The following KIF1B variants were observed in gnomAD, a reference collection of about 807,000 sequenced individuals.
The protein encoded by KIF1B is kinesin-like protein KIF1B.
A neutral mutation model predicts 241.9 loss-of-function variants in KIF1B; 76 were observed. That is an observed-to-expected ratio of 0.31 (90% CI 0.26 to 0.38). The LOEUF is 0.38. KIF1B is among the 10% of genes least tolerant of loss of function. KIF1B has a pLI of 1.00. For missense variants in KIF1B, 1,622 were observed against 2,271.4 expected (o/e 0.71, Z 5.81); for synonymous variants, 750 against 796.7 (o/e 0.94, Z 0.99).
At chr1:10,236,976 C>A (rs1476389384) in intron 2 of KIF1B, among the ~76,000 whole-genome samples, 1 of 152,084 alleles carries the variant, frequency 6.6e-6, no homozygotes, top group Non-Finnish European at 1.5e-5. Flanking sequence ...TGGACTGTTG[C>A]TCACAAGGAT....
At chr1:10,212,594 A>C (rs1022211488) in intron 1 of KIF1B, among the ~76,000 whole-genome samples, 6 of 152,086 alleles carry the variant, frequency 3.9e-5, no homozygotes, top group Non-Finnish European at 7.4e-5. Flanking sequence ...CTATGTAAAA[A>C]ATTTTGGGAT....
At chr1:10,334,686 G>C in intron 28 of KIF1B, 48 bp downstream of exon 28, 1 of 1,443,202 alleles carries the variant, frequency 6.9e-7, no homozygotes, top group African/African-American at 1.4e-5. Context: ...TTTGTCTAGA[G>C]ACAAAGCAGG....
intron 2 of KIF1B, among the ~76,000 whole-genome samples, chr1:10,242,564 T>G (rs1388133834): frequency 1.3e-5 from 2 of 152,198 alleles, no homozygotes; most frequent in African/African-American, 4.8e-5. Flanking sequence ...TCACCCAGGC[T>G]GGAGTGCAAT....
chr1:10,274,524 G>A (rs2102219031), intron 10 of KIF1B, among the ~76,000 whole-genome samples: 1 of 151,960 alleles, frequency 6.6e-6, no homozygotes, highest in South Asian at 2.1e-4. Flanking sequence ...TTTAATAATT[G>A]GATTATTTTT....
At chr1:10,304,211 G>T in intron 22 of KIF1B, 3 of 1,614,144 alleles carry the variant, frequency 1.9e-6, no homozygotes, top group Non-Finnish European at 2.5e-6. Context: ...GAAAAAGGGG[G>T]TAAAGGAGCT....
intron 22 of KIF1B, among the ~76,000 whole-genome samples, chr1:10,299,757 G>T (rs1014725727): frequency 6.6e-6 from 1 of 152,082 alleles, no homozygotes; most frequent in African/African-American, 2.4e-5. Context: ...GGTCCTTTCT[G>T]TGCTTGCTTT....
intron 4 of KIF1B, 45 bp from the exon 5 acceptor site, chr1:10,261,860 C>A: frequency 1.6e-6 from 2 of 1,245,884 alleles, no homozygotes; most frequent in South Asian, 1.2e-5. Flanking sequence ...ACTTAGTACT[C>A]CTCTCATTTG....
rs113196941 is a variant in KIF1B at position 10,302,602 on chromosome 1, C to T, written c.2115+5356C>T. Among the ~76,000 whole-genome samples, 744 of 152,290 alleles carry T rather than the reference C, an allele frequency of 4.9e-3. 7 individuals are homozygous for T. Among genetic ancestry groups the T allele is most frequent in the African/African-American group, 0.017 (699 of 41,558 alleles). ...AGTAAAGCTAAACAAAACCTGGCGT[C>T]CTACAGCCTTACTAACCTTTGTTAA... On this transcript the variant is annotated intron_variant, in intron 22 of 48. Transcript: ENST00000676179.
Position 10,337,674 on chromosome 1 carries a change from A to G in KIF1B, c.3422+141A>G. On this transcript the variant is annotated intron_variant, in intron 31 of 48. Coordinates refer to ENST00000676179, the MANE Select transcript of KIF1B (RefSeq NM_001365951.3). The surrounding 1 kb of genome is among the most constrained non-coding windows in gnomAD (Gnocchi z 4.0). ...TCAGTCTCTGAAGGAAAATACTTTC[A>G]TCACTCCTATGGGAGTGAGAACCAG... The G allele has an allele frequency of 1.0e-6, 1 of 968,820 alleles. No individual in the cohort carries two copies. The highest frequency in any genetic ancestry group is 1.6e-6 in the Non-Finnish European group (1 of 638,028). The allele number at this position is 968,820 out of a possible 1,614,324, so 60.0% of individuals were successfully genotyped here.
intron 1 of KIF1B, among the ~76,000 whole-genome samples, chr1:10,223,546 G>GTTTTTTTTTTTTTTTTTTTTTTT (rs113574017): frequency 6.1e-5 from 8 of 131,274 alleles, no homozygotes; most frequent in African/African-American, 8.9e-5. Context: ...GTTTTGTTTT[G>GTTTTTTTTTTTTTTTTTTTTTTT]TTTTTTTTTT....
At chr1:10,320,189 A>C (rs1026732377) in intron 23 of KIF1B, 53 bp downstream of exon 23, 3 of 1,227,202 alleles carry the variant, frequency 2.4e-6, no homozygotes, top group African/African-American at 3.0e-5. Context: ...AAGTTATATT[A>C]TCAAATTAGT....
rs1439766925 is a variant in KIF1B at position 10,365,672 on chromosome 1, G to C, written c.4752+24G>C. On this transcript the variant is annotated intron_variant, in intron 43 of 48. Transcript: ENST00000676179. This position sits in a 1 kb window ranked among gnomAD's most constrained non-coding sequence, Gnocchi z 4.0. ...AGGTGTGAATCCCTTCCTCTTTGCTGAACGTCTTCCCACAAGGCTCCACAA... is the reference window on the plus strand; with the variant it reads ...AGGTGTGAATCCCTTCCTCTTTGCTCAACGTCTTCCCACAAGGCTCCACAA... 1.9e-6 allele frequency: 3 copies of C among 1,613,514 alleles called. No homozygotes were observed. The African/African-American group carries it at 4.0e-5, about 22-fold the overall frequency.
chr1:10,360,881 T>C, intron 38 of KIF1B, 48 bp from the exon 39 acceptor site: 1 of 1,311,840 alleles, frequency 7.6e-7, no homozygotes, highest in Non-Finnish European at 1.1e-6. Context: ...TGGACTAACG[T>C]GACTTTAGCT....
At chr1:10,224,570 CA>C (rs149094579) in intron 1 of KIF1B, among the ~76,000 whole-genome samples, 3,949 of 152,070 alleles carry the variant, frequency 0.026, 195 homozygotes, top group African/African-American at 0.089. Flanking sequence ...CGATGCATGC[CA>C]CCACACCCAG....
chr1:10,303,432 C>T lies in KIF1B; in HGVS notation c.2115+6186C>T, dbSNP rs1650641869. On this transcript the variant is annotated intron_variant, in intron 22 of 48. Coordinates refer to ENST00000676179, the MANE Select transcript of KIF1B (RefSeq NM_001365951.3). The surrounding 1 kb of genome is among the most constrained non-coding windows in gnomAD (Gnocchi z 5.2). ...AAGAGATTTGCTATGAGGTTGCTCT[C>T]AATGACTTCAGGCACAGTCGGCAGG... is the stretch of plus-strand genomic sequence containing the variant. 6.2e-7 allele frequency: 1 copy of T among 1,614,076 alleles called. No individual in the cohort carries two copies. The highest frequency in any genetic ancestry group is 1.3e-5 in the African/African-American group (1 of 74,922).
At chr1:10,304,601 A>G (rs753019958) in intron 22 of KIF1B, 6 of 1,613,992 alleles carry the variant, frequency 3.7e-6, no homozygotes, top group Non-Finnish European at 2.5e-6. Context: ...ATGAGGAGAC[A>G]GTTCTCAGCA....
At chr1:10,335,528 A>C (rs558249080) in intron 28 of KIF1B, among the ~76,000 whole-genome samples, 21 of 152,324 alleles carry the variant, frequency 1.4e-4, no homozygotes, top group Non-Finnish European at 2.9e-5. Context: ...GCTGGATTAC[A>C]GGCGTCAGCC....
At position 10,370,389 on chromosome 1, in the gene KIF1B, C is replaced by A. The variant is rs115491175; in HGVS notation, c.4825-752C>A. 9.9e-3 allele frequency among the ~76,000 whole-genome samples: 1,499 copies of A among 152,010 alleles called. 19 individuals are homozygous for A. The highest frequency in any genetic ancestry group is 0.034 in the African/African-American group (1,405 of 41,452). On this transcript the variant is annotated intron_variant, in intron 44 of 48. Transcript: ENST00000676179. ...CGAGCCTGGGCAACATGACAAAAAC[C>A]CCATCTCCACAAAAAAATACAAAAA... is the stretch of plus-strand genomic sequence containing the variant.
chr1:10,233,710 C>CTTTTTTTTTTTTT (rs61200537), intron 2 of KIF1B, among the ~76,000 whole-genome samples: 6 of 142,646 alleles, frequency 4.2e-5, no homozygotes, highest in South Asian at 2.2e-4. Flanking sequence ...CTCAATAAAG[C>CTTTTTTTTTTTTT]TTTTTTTTTT....
Sources: gnomAD v4.1 joint callset for allele counts (sites outside exome capture counted in the v4.1 genomes callset) on GRCh38, gnomAD v4.1.1 for gene constraint, Gnocchi (gnomAD v3.1) non-coding constraint, MANE v1.5 for transcripts, NCBI Gene and HGNC (gene_info 2026-07-23, HGNC 2026-07-21) for gene names.